Variants in TPD52L2 observed in about 807,000 individuals in gnomAD.
The protein encoded by TPD52L2 is tumor protein D54.
A neutral mutation model predicts 24.7 loss-of-function variants in TPD52L2; 19 were observed. That is an observed-to-expected ratio of 0.77 (90% CI 0.54 to 1.13). The LOEUF (loss-of-function observed/expected upper bound fraction) is 1.13. TPD52L2 is among the 50% of genes most tolerant of loss of function. The pLI is 0.00. For missense variants in TPD52L2, 236 were observed against 250.4 expected, an observed-to-expected ratio of 0.94 and a Z score of 0.39; for synonymous variants, 104 against 100.2, an observed-to-expected ratio of 1.04 and a Z score of -0.23.
At chr20:63,875,707 G>A in intron 3 of TPD52L2, 109 bp from the exon 4 acceptor site, 2 of 1,152,924 alleles carry the variant, frequency 1.7e-6, no homozygotes, top group Admixed American at 3.8e-5. Context: ...TGGAGTTGAT[G>A]TTCCTGCCAG....
At chr20:63,873,944 G>A (rs1179413571) in intron 3 of TPD52L2, 128 bp downstream of exon 3, 3 of 1,112,494 alleles carry the variant, frequency 2.7e-6, no homozygotes, top group Middle Eastern at 3.1e-4. Context: ...GGCCTGTTTG[G>A]AAGGATCCAG....
intron 4 of TPD52L2, chr20:63,876,838 C>T (rs1024715977): frequency 3.8e-5 from 17 of 452,022 alleles, no homozygotes; most frequent in South Asian, 6.2e-5. Context: ...CCGGGTGGTT[C>T]GTGGGCATGG....
chr20:63,884,721 C>T (rs1196153788), intron 5 of TPD52L2, among the ~76,000 whole-genome samples: 1 of 151,998 alleles, frequency 6.6e-6, no homozygotes, highest in African/African-American at 2.4e-5. Flanking sequence ...GTTGCAGTGA[C>T]GCTGGCACAG....
chr20:63,873,682 T>G lies in TPD52L2; in HGVS notation c.180T>G (p.Ile60Met), dbSNP rs913569438. ...ATGCTTTGCAGGTGGAAGAGGAAATTGTCACTCTGCGCCAGGTCCTGGCAG... is the reference window on the plus strand; with the variant it reads ...ATGCTTTGCAGGTGGAAGAGGAAATGGTCACTCTGCGCCAGGTCCTGGCAG... ...RAELTKVEEE[I>M]VTLRQVLAAK... is the part of the protein sequence containing the mutation. The change falls in exon 3 of 7, where the codon ATT (isoleucine) becomes ATG (methionine). Residue 60 changes from isoleucine (I) to methionine (M), a missense_variant. Ile to Met is a conservative substitution (Grantham distance 10). Coordinates refer to ENST00000346249, the MANE Select transcript of TPD52L2 (RefSeq NM_003288.4). 6.2e-7 allele frequency: 1 copy of G among 1,610,166 alleles called. No individual in the cohort carries two copies. Among genetic ancestry groups the G allele is most frequent in the African/African-American group, 1.3e-5 (1 of 74,622 alleles).
chr20:63,865,276 G>C lies in TPD52L2; in HGVS notation c.-90G>C. The C allele has an allele frequency of 7.2e-7, 1 of 1,395,180 alleles. No individual in the cohort carries two copies. The highest frequency in any genetic ancestry group is 9.4e-7 in the Non-Finnish European group (1 of 1,063,618). The allele number at this position is 1,395,180 out of a possible 1,614,324, so 86.4% of individuals were successfully genotyped here. A position where few individuals can be genotyped will look rare whatever the true frequency, so the allele number is the denominator to read the frequency against. On this transcript the variant is annotated 5_prime_UTR_variant, in exon 1 of 7. Transcript: ENST00000346249. Reference sequence around the variant, plus strand: ...AACGCCGCGGAGCTGAGGCAGTTCCGCTGGCTAGTGTGTACGCGGCGAGCT... The same window carrying C: ...AACGCCGCGGAGCTGAGGCAGTTCCCCTGGCTAGTGTGTACGCGGCGAGCT...
Position 63,873,884 on chromosome 20 carries a change from TG to T in TPD52L2, c.314+75del, listed in dbSNP as rs912391504. ...CGGGCACCACACGTGCCCCGGCATG[TG>T]GGGGGGCGTCGTCATGCCCAGGGAC... is the stretch of plus-strand genomic sequence containing the variant. On this transcript the variant is annotated intron_variant, in intron 3 of 6. Transcript: ENST00000346249. 39 of 1,408,274 alleles carry T rather than the reference TG, an allele frequency of 2.8e-5. 1 individual carries two copies. Among genetic ancestry groups the T allele is most frequent in the Non-Finnish European group, 3.3e-5 (36 of 1,079,346 alleles). The allele number at this position is 1,408,274 out of a possible 1,614,324, so 87.2% of individuals were successfully genotyped here.
At chr20:63,881,964 T>C (rs894152771) in intron 4 of TPD52L2, among the ~76,000 whole-genome samples, 3 of 152,150 alleles carry the variant, frequency 2.0e-5, no homozygotes, top group Non-Finnish European at 2.9e-5. Context: ...GCCCTAGAGC[T>C]TTGCTTTGAT....
At chr20:63,874,226 T>TGTG (rs1568944556) in intron 3 of TPD52L2, among the ~76,000 whole-genome samples, 5 of 135,074 alleles carry the variant, frequency 3.7e-5, no homozygotes, top group East Asian at 3.6e-4. Flanking sequence ...TGATTTTTTT[T>TGTG]TTTGTGTGTG....
Position 63,887,662 on chromosome 20 carries a change from G to A in TPD52L2, c.477-1528G>A, listed in dbSNP as rs2053184540. On this transcript the variant is annotated intron_variant, in intron 5 of 6. Transcript: ENST00000346249. ...GCCGGGTGTCTCTGGTGGGGGTTGGGGCAGCTCCCGCCGGTTACACCTTGC... is the reference window on the plus strand; with the variant it reads ...GCCGGGTGTCTCTGGTGGGGGTTGGAGCAGCTCCCGCCGGTTACACCTTGC... 3.2e-6 allele frequency: 5 copies of A among 1,553,952 alleles called. No individual in the cohort carries two copies. The South Asian group carries it at 4.5e-5, about 14-fold the overall frequency.
At chr20:63,886,111 G>A (rs570330238) in intron 5 of TPD52L2, 10 of 1,521,032 alleles carry the variant, frequency 6.6e-6, no homozygotes, top group Middle Eastern at 1.7e-4. Context: ...ACTCCGGCAG[G>A]GCCCTTGGGC....
chr20:63,873,555 G>GTTA, intron 2 of TPD52L2, 113 bp from the exon 3 acceptor site: 1 of 1,242,726 alleles, frequency 8.0e-7, no homozygotes, highest in East Asian at 2.7e-5. Context: ...CCTAGGACGA[G>GTTA]TTAATGCTTT....
intron 1 of TPD52L2, among the ~76,000 whole-genome samples, chr20:63,867,961 A>G (rs2052320411): frequency 6.8e-6 from 1 of 147,474 alleles, no homozygotes; most frequent in Non-Finnish European, 1.5e-5. Flanking sequence ...TTTTTTAAAG[A>G]ATTTTTTTTT....
intron 2 of TPD52L2, among the ~76,000 whole-genome samples, chr20:63,870,443 C>A (rs980445177): frequency 4.6e-5 from 7 of 150,964 alleles, no homozygotes; most frequent in Non-Finnish European, 7.4e-5. Context: ...CTTTGCTTTC[C>A]ATTTAACTTC....
chr20:63,878,174 G>A (rs1441810841), intron 4 of TPD52L2, among the ~76,000 whole-genome samples: 2 of 152,260 alleles, frequency 1.3e-5, no homozygotes, highest in African/African-American at 4.8e-5. Context: ...TGACCCACGT[G>A]TTTGTAGATC....
chr20:63,875,819 T>C lies in TPD52L2; in HGVS notation c.318T>C (p.Tyr106=), dbSNP rs1172123721. 8.1e-6 allele frequency: 13 copies of C among 1,614,132 alleles called. No homozygotes were observed. The highest frequency in any genetic ancestry group is 1.1e-5 in the Non-Finnish European group (13 of 1,179,966). ...ACTGTAGACTTTCTGTTTTTAGCTATGTGAAAACTTCTGAGAAACTTGGAG... is the reference window on the plus strand; with the variant it reads ...ACTGTAGACTTTCTGTTTTTAGCTACGTGAAAACTTCTGAGAAACTTGGAG... The part of the protein sequence containing the change: ...SWHDVQVSSA[Y]VKTSEKLGEW... The change falls in exon 4 of 7, where the codon TAT becomes TAC. Residue 106 remains tyrosine, a synonymous_variant. Coordinates refer to ENST00000346249, the MANE Select transcript of TPD52L2 (RefSeq NM_003288.4).
chr20:63,870,825 C>T (rs1181225371), intron 2 of TPD52L2, among the ~76,000 whole-genome samples: 1 of 147,228 alleles, frequency 6.8e-6, no homozygotes, highest in African/African-American at 2.5e-5. Flanking sequence ...TCAAGCGATT[C>T]TCCTGCCTCA....
chr20:63,871,464 C>A (rs1293170254), intron 2 of TPD52L2, among the ~76,000 whole-genome samples: 1 of 151,928 alleles, frequency 6.6e-6, no homozygotes, highest in Non-Finnish European at 1.5e-5. Flanking sequence ...ATTCTCTTGC[C>A]TCAGCCTCCC....
intron 4 of TPD52L2, among the ~76,000 whole-genome samples, chr20:63,882,207 C>T (rs573344690): frequency 1.3e-5 from 2 of 152,380 alleles, no homozygotes; most frequent in East Asian, 3.9e-4. Flanking sequence ...CATTTTCTCC[C>T]CTCAGCACAG....
At position 63,875,824 on chromosome 20, in the gene TPD52L2, A is replaced by G. The variant is rs777056615; in HGVS notation, c.323A>G (p.Lys108Arg). 1.9e-6 allele frequency: 3 copies of G among 1,614,072 alleles called. No homozygotes were observed. The highest frequency in any genetic ancestry group is 2.7e-5 in the African/African-American group (2 of 74,942). The change falls in exon 4 of 7, where the codon AAA (lysine) becomes AGA (arginine). Residue 108 changes from lysine (K) to arginine (R), a missense_variant. Transcript: ENST00000346249. ...HDVQVSSAYV[K>R]TSEKLGEWNE... Reference sequence around the variant, plus strand: ...AGACTTTCTGTTTTTAGCTATGTGAAAACTTCTGAGAAACTTGGAGAGTGG... The same window carrying G: ...AGACTTTCTGTTTTTAGCTATGTGAGAACTTCTGAGAAACTTGGAGAGTGG...
Sources: gnomAD v4.1 joint callset for allele counts (sites outside exome capture counted in the v4.1 genomes callset) on GRCh38, gnomAD v4.1.1 for gene constraint, MANE v1.5 for transcripts, NCBI Gene and HGNC (gene_info 2026-07-23, HGNC 2026-07-21) for gene names.